CLINT1: variants seen among roughly 807,000 people sequenced by gnomAD.
CLINT1 encodes clathrin interactor 1.
CLINT1 carries 15 observed loss-of-function variants against 70.4 expected under a neutral mutation model. That is an observed-to-expected ratio of 0.21 (90% CI 0.14 to 0.33). The LOEUF (loss-of-function observed/expected upper bound fraction) is 0.33, where lower values mean the gene tolerates loss of function less well. CLINT1 is among the 10% of genes least tolerant of loss of function. CLINT1 has a pLI of 1.00. For missense variants in CLINT1, 615 were observed against 778.1 expected, an observed-to-expected ratio of 0.79 and a Z score of 2.49; for synonymous variants, 227 against 254.7, an observed-to-expected ratio of 0.89 and a Z score of 1.04.
intron 6 of CLINT1, among the ~76,000 whole-genome samples, chr5:157,808,786 C>T (rs1351579315): frequency 6.6e-6 from 1 of 152,056 alleles, no homozygotes; most frequent in Non-Finnish European, 1.5e-5. Context: ...TTTTCTGGTA[C>T]ACACTGGCAC....
chr5:157,845,468 G>T (rs1357423045), intron 1 of CLINT1, among the ~76,000 whole-genome samples: 1 of 151,934 alleles, frequency 6.6e-6, no homozygotes, highest in Non-Finnish European at 1.5e-5. Flanking sequence ...GCGAAATATG[G>T]ACACACCTAA....
chr5:157,814,405 G>T, intron 3 of CLINT1, 112 bp from the exon 4 acceptor site: 1 of 732,532 alleles, frequency 1.4e-6, no homozygotes, highest in East Asian at 2.7e-5. Flanking sequence ...CTTCATGCTG[G>T]TGGTGAGGTT....
At chr5:157,856,970 G>A (rs1753778249) in intron 1 of CLINT1, among the ~76,000 whole-genome samples, 2 of 152,136 alleles carry the variant, frequency 1.3e-5, no homozygotes, top group African/African-American at 2.4e-5. Context: ...ATATTGCCTC[G>A]ATTTCTGTCT....
intron 9 of CLINT1, among the ~76,000 whole-genome samples, chr5:157,792,996 G>A (rs1009552640): frequency 6.6e-6 from 1 of 152,106 alleles, no homozygotes; most frequent in African/African-American, 2.4e-5. Context: ...CCTAAAAAGT[G>A]ACCAACCACT....
chr5:157,858,356 T>C (rs986719229), intron 1 of CLINT1, among the ~76,000 whole-genome samples: 9 of 152,234 alleles, frequency 5.9e-5, no homozygotes, highest in African/African-American at 2.2e-4. Context: ...GAGTGTCTTC[T>C]TGAGTAACTT....
intron 1 of CLINT1, among the ~76,000 whole-genome samples, chr5:157,832,235 A>AG (rs1353243799): frequency 6.6e-6 from 1 of 150,424 alleles, no homozygotes; most frequent in Non-Finnish European, 1.5e-5. Context: ...TGCCCCCCTC[A>AG]GCCTCCCAAA....
chr5:157,817,147 C>T (rs998071345), intron 2 of CLINT1, among the ~76,000 whole-genome samples: 1 of 152,068 alleles, frequency 6.6e-6, no homozygotes, highest in Non-Finnish European at 1.5e-5. Flanking sequence ...GTAACTTTCA[C>T]TTCAAGTTAT....
At chr5:157,831,996 A>C (rs1337140880) in intron 1 of CLINT1, among the ~76,000 whole-genome samples, 1 of 151,156 alleles carries the variant, frequency 6.6e-6, no homozygotes, top group Non-Finnish European at 1.5e-5. Flanking sequence ...GCGCCAGGCC[A>C]CTGTTTTTTA....
At chr5:157,811,344 C>T (rs1394011288) in intron 5 of CLINT1, among the ~76,000 whole-genome samples, 1 of 152,064 alleles carries the variant, frequency 6.6e-6, no homozygotes, top group Admixed American at 6.6e-5. Context: ...GAGTTCAAGA[C>T]CAGCCTGGCC....
intron 1 of CLINT1, among the ~76,000 whole-genome samples, chr5:157,850,956 G>C (rs1049845417): frequency 6.6e-6 from 1 of 151,838 alleles, no homozygotes; most frequent in Admixed American, 6.6e-5. Context: ...CACCATGTCC[G>C]GCTAATTTTT....
At chr5:157,801,505 TC>T (rs1263676590) in intron 8 of CLINT1, among the ~76,000 whole-genome samples, 2 of 149,242 alleles carry the variant, frequency 1.3e-5, no homozygotes, top group Admixed American at 1.3e-4. Flanking sequence ...AAACTCTGTC[TC>T]AAAAAAAAAA....
At chr5:157,837,343 A>G (rs1763456746) in intron 1 of CLINT1, among the ~76,000 whole-genome samples, 1 of 152,152 alleles carries the variant, frequency 6.6e-6, no homozygotes, top group African/African-American at 2.4e-5. Flanking sequence ...CCACTGCACT[A>G]CAGCGTGGAT....
chr5:157,838,889 A>C (rs1763522742), intron 1 of CLINT1, among the ~76,000 whole-genome samples: 1 of 152,214 alleles, frequency 6.6e-6, no homozygotes, highest in African/African-American at 2.4e-5. Context: ...AAGTAGTGAA[A>C]ATAGAACAGA....
At chr5:157,801,522 G>T (rs548146416) in intron 8 of CLINT1, among the ~76,000 whole-genome samples, 267 of 151,156 alleles carry the variant, frequency 1.8e-3, no homozygotes, top group African/African-American at 6.2e-3. Context: ...AAAAAATAGA[G>T]AAAGAAAGTA....
intron 9 of CLINT1, among the ~76,000 whole-genome samples, chr5:157,792,490 G>C (rs1188823247): frequency 6.6e-6 from 1 of 152,200 alleles, no homozygotes; most frequent in Non-Finnish European, 1.5e-5. Flanking sequence ...GGAGGTTGCA[G>C]TGAGCTGAGA....
At chr5:157,800,410 T>C (rs1263263912) in intron 8 of CLINT1, among the ~76,000 whole-genome samples, 1 of 152,124 alleles carries the variant, frequency 6.6e-6, no homozygotes, top group Non-Finnish European at 1.5e-5. Flanking sequence ...AATAGCAATG[T>C]TAATATGGTA....
At chr5:157,853,122 CA>C (rs1753628851) in intron 1 of CLINT1, among the ~76,000 whole-genome samples, 1 of 151,588 alleles carries the variant, frequency 6.6e-6, no homozygotes, top group Non-Finnish European at 1.5e-5. Flanking sequence ...CTAAGGCAGG[CA>C]GATCACATGA....
Position 157,813,205 on chromosome 5 carries a change from A to T in CLINT1, c.375T>A (p.Gly125=). The T allele has an allele frequency of 1.2e-6, 2 of 1,613,296 alleles. No individual in the cohort carries two copies. Among genetic ancestry groups the T allele is most frequent in the Non-Finnish European group, 1.7e-6 (2 of 1,179,814 alleles). ...CCTTCACCTTCTGTCGAATATTTAT[A>T]CCTTGATCCTTACCATGCTCATCTA... The part of the protein sequence containing the change: ...HFVDEHGKDQ[G]INIRQKVKEL... The change falls in exon 5 of 12, where the codon GGT becomes GGA. Residue 125 remains glycine, a synonymous_variant. Coordinates refer to ENST00000411809, the MANE Select transcript of CLINT1 (RefSeq NM_014666.4).
intron 1 of CLINT1, among the ~76,000 whole-genome samples, chr5:157,851,686 CAAAAAAAAAA>C (rs34229522): frequency 1.3e-4 from 12 of 88,964 alleles, no homozygotes; most frequent in Non-Finnish European, 2.4e-4. Context: ...GACCCCGTCT[CAAAAAAAAAA>C]AAAAAAAAGA....
Sources: allele counts gnomAD v4.1 joint callset (sites outside exome capture counted in the v4.1 genomes callset), GRCh38; gene constraint gnomAD v4.1.1; transcripts MANE v1.5; gene names NCBI Gene and HGNC (gene_info 2026-07-23, HGNC 2026-07-21).